SHISA6: variants seen among roughly 807,000 people sequenced by gnomAD.
The protein encoded by SHISA6 is shisa family member 6, also known as protein shisa-6.
SHISA6 carries 22 observed loss-of-function variants against 47.9 expected under a neutral mutation model. That is an observed-to-expected ratio of 0.46 (90% CI 0.33 to 0.66). SHISA6 has a LOEUF of 0.66. SHISA6 is among the 30% of genes least tolerant of loss of function. SHISA6 has a pLI of 0.02. For missense variants in SHISA6, 680 were observed against 764.6 expected (o/e 0.89, Z 1.30); for synonymous variants, 388 against 337.8 (o/e 1.15, Z -1.63).
Position 11,558,286 on chromosome 17 carries a change from G to A in SHISA6, c.1638G>A (p.Lys546=), listed in dbSNP as rs758835676. ...PGHHTCYTAS[K]TEVTV ...ACCACACCTGCTACACAGCCAGCAAGACCGAAGTGACCGTGTGACCGGCGG... is the reference window on the plus strand; with the variant it reads ...ACCACACCTGCTACACAGCCAGCAAAACCGAAGTGACCGTGTGACCGGCGG... The change falls in exon 6 of 6, where the codon AAG becomes AAA. Residue 546 remains lysine (K), a synonymous_variant. Coordinates refer to ENST00000441885, the MANE Select transcript of SHISA6 (RefSeq NM_207386.4). 1.1e-5 allele frequency: 17 copies of A among 1,538,576 alleles called. No homozygotes were observed. The highest frequency in any genetic ancestry group is 7.8e-6 in the Non-Finnish European group (9 of 1,146,710).
chr17:11,526,853 ATCTT>A (rs1024962547), intron 3 of SHISA6, among the ~76,000 whole-genome samples: 2 of 70,918 alleles, frequency 2.8e-5, no homozygotes, highest in African/African-American at 1.1e-4. Context: ...TACATGTGAT[ATCTT>A]GATGCCTCAA....
intron 3 of SHISA6, among the ~76,000 whole-genome samples, chr17:11,439,294 G>C (rs1425930879): frequency 1.3e-5 from 2 of 152,192 alleles, no homozygotes; most frequent in African/African-American, 2.4e-5. Context: ...GTCATCAGTA[G>C]TGTCCACTTC....
chr17:11,521,110 G>T (rs1221241130), intron 3 of SHISA6, among the ~76,000 whole-genome samples: 1 of 152,132 alleles, frequency 6.6e-6, no homozygotes, highest in African/African-American at 2.4e-5. Flanking sequence ...GACTTTTCTG[G>T]TCATGTTCTA....
chr17:11,523,344 C>T (rs1159380270), intron 3 of SHISA6, among the ~76,000 whole-genome samples: 1 of 152,146 alleles, frequency 6.6e-6, no homozygotes, highest in Non-Finnish European at 1.5e-5. Flanking sequence ...GGATTAGAGT[C>T]TGCAAAAGGA....
At chr17:11,533,598 T>TC (rs1555543008) in intron 3 of SHISA6, among the ~76,000 whole-genome samples, 2 of 142,826 alleles carry the variant, frequency 1.4e-5, no homozygotes, top group African/African-American at 5.2e-5. Flanking sequence ...TTTTTTTTTT[T>TC]TTTTTTTTTT....
intron 3 of SHISA6, among the ~76,000 whole-genome samples, chr17:11,510,593 A>G (rs750398996): frequency 6.6e-6 from 1 of 152,144 alleles, no homozygotes; most frequent in Non-Finnish European, 1.5e-5. Context: ...GCTGGTTCCT[A>G]TGCAAAGGTT....
chr17:11,324,360 G>C (rs903842097), intron 2 of SHISA6, among the ~76,000 whole-genome samples: 5 of 152,152 alleles, frequency 3.3e-5, no homozygotes, highest in African/African-American at 1.2e-4. Flanking sequence ...GAAGAAGAAG[G>C]AACTCGTATT....
At chr17:11,482,019 T>C (rs1261429042) in intron 3 of SHISA6, among the ~76,000 whole-genome samples, 4 of 152,032 alleles carry the variant, frequency 2.6e-5, no homozygotes, top group African/African-American at 7.2e-5. Context: ...AGAAAAGACT[T>C]TGAAGTGTGA....
intron 1 of SHISA6, among the ~76,000 whole-genome samples, chr17:11,249,137 CAAA>C (rs139559354): frequency 8.3e-5 from 5 of 60,482 alleles, no homozygotes; most frequent in African/African-American, 5.7e-5. Flanking sequence ...GACTCCGTCT[CAAA>C]AAAAAAAAAA....
intron 2 of SHISA6, among the ~76,000 whole-genome samples, chr17:11,337,367 C>T (rs936865970): frequency 6.6e-6 from 1 of 151,744 alleles, no homozygotes; most frequent in African/African-American, 2.4e-5. Flanking sequence ...ATAGGGCCAC[C>T]CATTCCCATC....
At position 11,374,902 on chromosome 17, in the gene SHISA6, C is replaced by T. The variant is rs1048471603; in HGVS notation, c.800-4512C>T. Among the ~76,000 whole-genome samples, 8 of 151,944 alleles carry T rather than the reference C, an allele frequency of 5.3e-5. No individual in the cohort carries two copies. In the South Asian group the frequency reaches 6.2e-4, roughly 12 times the overall value. The stretch of plus-strand genomic sequence containing the variant: ...ATGGGCGTCATCATTGTTTTCATTT[C>T]GCATTTGAGGACACAGACACACAGA... On this transcript the variant is annotated intron_variant, in intron 2 of 5. Coordinates refer to ENST00000441885, the MANE Select transcript of SHISA6 (RefSeq NM_207386.4).
chr17:11,495,993 T>TCATCCATCCATCCATCCATC (rs10642001), intron 3 of SHISA6, among the ~76,000 whole-genome samples: 4 of 148,852 alleles, frequency 2.7e-5, no homozygotes, highest in East Asian at 2.0e-4. Context: ...ATTTATCCAT[T>TCATCCATCCATCCATCCATC]CATCCATCCA....
chr17:11,415,318 CT>C (rs1394537526), intron 3 of SHISA6, among the ~76,000 whole-genome samples: 3 of 152,244 alleles, frequency 2.0e-5, no homozygotes, highest in Non-Finnish European at 4.4e-5. Flanking sequence ...AGAATCAGTA[CT>C]CAAATTCACC....
intron 3 of SHISA6, among the ~76,000 whole-genome samples, chr17:11,488,746 C>T (rs1042901605): frequency 1.3e-5 from 2 of 152,138 alleles, no homozygotes; most frequent in Non-Finnish European, 2.9e-5. Context: ...GGCAGAAGCC[C>T]CAGGGCTAAT....
intron 3 of SHISA6, among the ~76,000 whole-genome samples, chr17:11,480,635 C>A (rs1051996338): frequency 2.0e-5 from 3 of 152,120 alleles, no homozygotes; most frequent in African/African-American, 7.2e-5. Context: ...TAGACTCCCC[C>A]ACATTGATAC....
chr17:11,502,282 G>A (rs1181192479), intron 3 of SHISA6, among the ~76,000 whole-genome samples: 3 of 151,620 alleles, frequency 2.0e-5, no homozygotes, highest in Admixed American at 6.6e-5. Flanking sequence ...GGTAGCGGGC[G>A]CCTGTAGTCC....
rs192551027 is a variant in SHISA6 at position 11,329,475 on chromosome 17, A to G, written c.800-49939A>G. Among the ~76,000 whole-genome samples, 193 of 152,234 alleles carry G rather than the reference A, an allele frequency of 1.3e-3. 1 individual carries two copies. The Middle Eastern group carries it at 0.024, about 19-fold the overall frequency. Reference sequence around the variant, plus strand: ...TAACTGGGCATTCATCTTCTCTCCAATTAATACATTTTTGGCCCTGCCCTT... The same window carrying G: ...TAACTGGGCATTCATCTTCTCTCCAGTTAATACATTTTTGGCCCTGCCCTT... On this transcript the variant is annotated intron_variant, in intron 2 of 5. Coordinates refer to ENST00000441885, the MANE Select transcript of SHISA6 (RefSeq NM_207386.4).
intron 2 of SHISA6, among the ~76,000 whole-genome samples, chr17:11,378,660 A>G (rs1912899785): frequency 2.0e-5 from 3 of 152,138 alleles, no homozygotes; most frequent in Non-Finnish European, 2.9e-5. Flanking sequence ...TCTATCCACA[A>G]TCCTAACCTG....
chr17:11,361,250 T>G (rs1426464029), intron 2 of SHISA6, among the ~76,000 whole-genome samples: 1 of 152,184 alleles, frequency 6.6e-6, no homozygotes, highest in African/African-American at 2.4e-5. Context: ...ATATATACAT[T>G]GTTTTCATTA....
Sources: gnomAD v4.1 joint callset for allele counts (sites outside exome capture counted in the v4.1 genomes callset) on GRCh38, gnomAD v4.1.1 for gene constraint, MANE v1.5 for transcripts, NCBI Gene and HGNC (gene_info 2026-07-23, HGNC 2026-07-21) for gene names.